The following SCTR variants were observed in gnomAD, a reference collection of about 807,000 sequenced individuals.
The protein encoded by SCTR is pancreatic secretin receptor.
In SCTR, 56 loss-of-function variants were observed where a neutral mutation model predicts 60.8. The ratio of observed to expected loss-of-function variants is 0.92; its 90% confidence interval spans 0.74 to 1.15. The LOEUF (loss-of-function observed/expected upper bound fraction) is 1.15, where lower values mean the gene tolerates loss of function less well. Among genes scored for constraint, SCTR ranks in the 50% most tolerant of loss-of-function variants. The pLI, the probability that SCTR is intolerant of heterozygous loss-of-function variation, is 0.00. For synonymous variants in SCTR, 202 were observed against 217.0 expected (o/e 0.93, Z 0.61); for missense variants, 562 against 550.4 (o/e 1.02, Z -0.21).
chr2:119,502,704 A>G (rs1382263038), intron 1 of SCTR, among the ~76,000 whole-genome samples: 1 of 152,120 alleles, frequency 6.6e-6, no homozygotes, highest in East Asian at 1.9e-4. Flanking sequence ...AAATAAAGGA[A>G]TGAGCTGCTG....
intron 12 of SCTR, 73 bp from the exon 13 acceptor site, chr2:119,440,330 G>A: frequency 6.5e-7 from 1 of 1,530,472 alleles, no homozygotes; most frequent in South Asian, 1.3e-5. Context: ...CACTCCCCCA[G>A]TGACTCCACG....
chr2:119,479,017 C>T, intron 2 of SCTR, 99 bp from the exon 3 acceptor site: 1 of 1,544,698 alleles, frequency 6.5e-7, no homozygotes, highest in South Asian at 1.2e-5. Context: ...CCTGGAATTC[C>T]CACTAGACTA....
intron 2 of SCTR, chr2:119,485,712 C>T (rs1276082760): frequency 6.6e-6 from 1 of 152,590 alleles, no homozygotes; most frequent in Non-Finnish European, 1.5e-5. Context: ...TTGTCTTGGC[C>T]TTGTGTCTGT....
In SCTR at chr2:119,446,832, A is replaced by C. The variant is rs1254417055; in HGVS notation, c.1067T>G (p.Ile356Ser). 4 of 1,583,108 alleles carry C rather than the reference A, an allele frequency of 2.5e-6. No homozygotes were observed. The highest frequency in any genetic ancestry group is 3.4e-6 in the Non-Finnish European group (4 of 1,163,982). Residue 356 changes from isoleucine to serine, a missense_variant, in exon 11 of 13, where the codon ATC (isoleucine) becomes AGC (serine). Ile to Ser is a moderately radical substitution (Grantham distance 142, BLOSUM62 -2). Coordinates refer to ENST00000019103, the MANE Select transcript of SCTR (RefSeq NM_002980.3). The part of the protein sequence containing the change: ...LLIPLFGIHY[I>S]VFAFSPEDAM... Reference sequence around the variant, plus strand: ...GTCCTCTGGGGAGAAGGCGAAGACGATGTAGTGGATGCCAAAGAGGGGGAT... The same window carrying C: ...GTCCTCTGGGGAGAAGGCGAAGACGCTGTAGTGGATGCCAAAGAGGGGGAT...
intron 4 of SCTR, among the ~76,000 whole-genome samples, chr2:119,470,625 C>T (rs1254377501): frequency 6.6e-6 from 1 of 152,172 alleles, no homozygotes; most frequent in Non-Finnish European, 1.5e-5. Context: ...TTAATCTTGG[C>T]ATGAACGTTG....
intron 1 of SCTR, among the ~76,000 whole-genome samples, chr2:119,498,180 G>T (rs755910903): frequency 6.6e-6 from 1 of 152,108 alleles, no homozygotes; most frequent in Non-Finnish European, 1.5e-5. Context: ...GATGACAACT[G>T]GTTTTCCATC....
At chr2:119,486,552 T>A (rs942777450) in intron 2 of SCTR, 5 of 152,158 alleles carry the variant, frequency 3.3e-5, no homozygotes, top group Non-Finnish European at 5.9e-5. Flanking sequence ...AATCTCTGTC[T>A]TTGTTTGTTT....
At chr2:119,491,144 G>A (rs536709589) in intron 2 of SCTR, among the ~76,000 whole-genome samples, 2 of 152,276 alleles carry the variant, frequency 1.3e-5, no homozygotes, top group African/African-American at 2.4e-5. Context: ...GGCTCACAGC[G>A]AGTCTCTCTG....
intron 4 of SCTR, among the ~76,000 whole-genome samples, chr2:119,470,897 C>T (rs1159748891): frequency 2.6e-5 from 4 of 152,188 alleles, no homozygotes; most frequent in Non-Finnish European, 5.9e-5. Flanking sequence ...GACAGAGTTT[C>T]GCCATGTTGG....
At chr2:119,462,132 G>T in intron 6 of SCTR, 132 bp from the exon 7 acceptor site, 1 of 774,230 alleles carries the variant, frequency 1.3e-6, no homozygotes. Context: ...TGGGGTTCAA[G>T]GCCATCTTCT....
chr2:119,520,571 C>T (rs898297887), intron 1 of SCTR, among the ~76,000 whole-genome samples: 10 of 152,190 alleles, frequency 6.6e-5, no homozygotes, highest in African/African-American at 2.4e-4. Flanking sequence ...CTTCTGGATC[C>T]AGATGCATGA....
chr2:119,464,233 A>C lies in SCTR; in HGVS notation c.526T>G (p.Tyr176Asp), dbSNP rs754846893. ...AFRRLHCTRNYIHMHLFVSFI... is the reference protein window; with the variant it reads ...AFRRLHCTRNDIHMHLFVSFI... ...GACACGAACAGGTGCATGTGGATGT[A>C]GTTGCGAGTGCAGTGGAGCCTCCTG... Residue 176 changes from tyrosine to aspartate, a missense_variant, in exon 6 of 13, where the codon TAC (tyrosine) becomes GAC (aspartate). By Grantham distance (160) the Tyr-to-Asp change is radical. Coordinates refer to ENST00000019103, the MANE Select transcript of SCTR (RefSeq NM_002980.3). 7 of 1,614,226 alleles carry C rather than the reference A, an allele frequency of 4.3e-6. No individual in the cohort carries two copies. The highest frequency in any genetic ancestry group is 5.9e-6 in the Non-Finnish European group (7 of 1,180,028).
In SCTR at chr2:119,448,685, T is replaced by G. The variant is rs182551696; in HGVS notation, c.1013+4A>C. The G allele has an allele frequency of 2.1e-4, 321 of 1,535,676 alleles. 2 individuals carry two copies. In the African/African-American group the frequency reaches 4.0e-3, roughly 19 times the overall value. Reference sequence around the variant, plus strand: ...CCATGCCTCAGTCTTTGCCCTTCACTTACTTATAATGGCTGACTTCATTTC... The same window carrying G: ...CCATGCCTCAGTCTTTGCCCTTCACGTACTTATAATGGCTGACTTCATTTC... On this transcript the variant is annotated splice_donor_region_variant and intron_variant, in intron 10 of 12. Coordinates refer to ENST00000019103, the MANE Select transcript of SCTR (RefSeq NM_002980.3).
chr2:119,475,420 G>A (rs1459039861), intron 3 of SCTR, among the ~76,000 whole-genome samples: 1 of 152,052 alleles, frequency 6.6e-6, no homozygotes, highest in Non-Finnish European at 1.5e-5. Flanking sequence ...GACAGATGCT[G>A]CATGTGACCC....
chr2:119,440,031 T>C lies in SCTR; in HGVS notation c.*86A>G, dbSNP rs1039807102. ...CTGAAGGAGGACACAGGGTGTCTGC[T>C]GGGAAGACTGGCTGTCCCACAGCAG... On this transcript the variant is annotated 3_prime_UTR_variant, in exon 13 of 13. Coordinates refer to ENST00000019103, the MANE Select transcript of SCTR (RefSeq NM_002980.3). 4.2e-6 allele frequency: 6 copies of C among 1,415,628 alleles called. No individual in the cohort carries two copies. The Admixed American group carries it at 7.6e-5, about 18-fold the overall frequency. The allele number at this position is 1,415,628 out of a possible 1,614,324, so 87.7% of individuals were successfully genotyped here. A position where few individuals can be genotyped will look rare whatever the true frequency, so the allele number is the denominator to read the frequency against.
At chr2:119,444,277 A>ACG (rs1362443347) in intron 11 of SCTR, among the ~76,000 whole-genome samples, 21 of 75,962 alleles carry the variant, frequency 2.8e-4, no homozygotes, top group East Asian at 1.3e-3. Flanking sequence ...ACATATATAC[A>ACG]TATGAATATA....
Position 119,523,195 on chromosome 2 carries a change from G to A in SCTR, c.72+960C>T, listed in dbSNP as rs766485595. ...GAGCTTCTTGGAAGAGACGACTTGG[G>A]GACCAATTTGGAATGCTAGTGGGAA... On this transcript the variant is annotated intron_variant, in intron 1 of 12. Transcript: ENST00000019103. Among the ~76,000 whole-genome samples, 12 of 151,964 alleles carry A rather than the reference G, an allele frequency of 7.9e-5. No individual in the cohort carries two copies. In the South Asian group the frequency reaches 1.9e-3, roughly 24 times the overall value.
At chr2:119,511,525 T>C (rs938316146) in intron 1 of SCTR, among the ~76,000 whole-genome samples, 1 of 152,216 alleles carries the variant, frequency 6.6e-6, no homozygotes, top group African/African-American at 2.4e-5. Flanking sequence ...TGGATTAGTT[T>C]TCCATGTACA....
At chr2:119,494,961 G>T (rs531972469) in intron 1 of SCTR, among the ~76,000 whole-genome samples, 2 of 152,162 alleles carry the variant, frequency 1.3e-5, no homozygotes, top group African/African-American at 4.8e-5. Flanking sequence ...TAGAGACAGG[G>T]TCGTTCTCTG....
Sources: gnomAD v4.1 joint callset for allele counts (sites outside exome capture counted in the v4.1 genomes callset) on GRCh38, gnomAD v4.1.1 for gene constraint, MANE v1.5 for transcripts, NCBI Gene and HGNC (gene_info 2026-07-23, HGNC 2026-07-21) for gene names.